LRRTM4: variants seen among roughly 807,000 people sequenced by gnomAD.
The protein encoded by LRRTM4 is leucine-rich repeat transmembrane neuronal protein 4.
LRRTM4 carries 25 observed loss-of-function variants against 47.6 expected under a neutral mutation model. That is an observed-to-expected ratio of 0.53 (90% CI 0.38 to 0.73). The LOEUF (loss-of-function observed/expected upper bound fraction) is 0.73, where lower values mean the gene tolerates loss of function less well. Ranked by LOEUF, LRRTM4 falls within the 30% of genes least tolerant of loss-of-function variation. The pLI is 0.00. For missense variants in LRRTM4, 638 were observed against 713.4 expected, an observed-to-expected ratio of 0.89 and a Z score of 1.20; for synonymous variants, 311 against 269.5, an observed-to-expected ratio of 1.15 and a Z score of -1.51.
intron 3 of LRRTM4, among the ~76,000 whole-genome samples, chr2:76,755,561 T>C (rs998921075): frequency 2.6e-5 from 4 of 152,152 alleles, no homozygotes; most frequent in African/African-American, 9.7e-5. Flanking sequence ...AGCATATCGT[T>C]CGATGCAGCT....
intron 3 of LRRTM4, among the ~76,000 whole-genome samples, chr2:77,001,742 G>A (rs1053509790): frequency 7.9e-5 from 12 of 152,240 alleles, no homozygotes; most frequent in African/African-American, 2.9e-4. Context: ...ATTTTCCACA[G>A]TGCTTCCTGA....
intron 3 of LRRTM4, among the ~76,000 whole-genome samples, chr2:77,203,288 A>G (rs541387438): frequency 6.6e-6 from 1 of 152,172 alleles, no homozygotes; most frequent in African/African-American, 2.4e-5. Context: ...TAAACGGCAA[A>G]AACAAGCGTC....
At chr2:77,220,338 G>A (rs771327349) in intron 3 of LRRTM4, among the ~76,000 whole-genome samples, 8 of 152,086 alleles carry the variant, frequency 5.3e-5, no homozygotes, top group Non-Finnish European at 7.3e-5. Flanking sequence ...CACCAGCAAC[G>A]GAACAAAGCT....
At chr2:76,858,841 C>A (rs1213887360) in intron 3 of LRRTM4, among the ~76,000 whole-genome samples, 1 of 152,106 alleles carries the variant, frequency 6.6e-6, no homozygotes, top group African/African-American at 2.4e-5. Context: ...TAATTTAGAT[C>A]TGAGTCAACA....
intron 3 of LRRTM4, among the ~76,000 whole-genome samples, chr2:77,091,144 T>G (rs1558575205): frequency 1.3e-5 from 2 of 151,870 alleles, no homozygotes; most frequent in African/African-American, 4.8e-5. Flanking sequence ...CTGAGACACT[T>G]TAACTAAATT....
Position 77,451,174 on chromosome 2 carries a change from C to T in LRRTM4, c.1551+67144G>A, listed in dbSNP as rs369331670. On this transcript the variant is annotated intron_variant, in intron 3 of 3. Coordinates refer to ENST00000409884, the MANE Select transcript of LRRTM4 (RefSeq NM_001134745.3). ...TTTTTTCTGAAGTCACATTTGATCA[C>T]CCCCATCCCAATCTCGCTAATAAAT... 5.8e-4 allele frequency among the ~76,000 whole-genome samples: 88 copies of T among 152,166 alleles called. 1 individual carries two copies. The highest frequency in any genetic ancestry group is 4.8e-3 in the East Asian group (25 of 5,180).
intron 3 of LRRTM4, among the ~76,000 whole-genome samples, chr2:77,469,267 G>C (rs924018891): frequency 6.6e-6 from 1 of 152,212 alleles, no homozygotes; most frequent in Non-Finnish European, 1.5e-5. Context: ...TCTGAAAGCA[G>C]GGGCAGTGGG....
chr2:77,437,590 T>A (rs992661572), intron 3 of LRRTM4, among the ~76,000 whole-genome samples: 21 of 152,000 alleles, frequency 1.4e-4, no homozygotes, highest in African/African-American at 4.6e-4. Flanking sequence ...ACTAGATAAG[T>A]GTAAAACATT....
chr2:77,181,635 A>G (rs1219081601), intron 3 of LRRTM4, among the ~76,000 whole-genome samples: 1 of 152,210 alleles, frequency 6.6e-6, no homozygotes, highest in Non-Finnish European at 1.5e-5. Flanking sequence ...GGTAATTTAA[A>G]CACAAGCAAA....
intron 3 of LRRTM4, among the ~76,000 whole-genome samples, chr2:77,099,656 C>T (rs958491518): frequency 6.6e-6 from 1 of 151,638 alleles, no homozygotes; most frequent in Middle Eastern, 3.4e-3. Flanking sequence ...GGATGAGAAA[C>T]AATTTATACT....
At chr2:77,194,054 T>C (rs1332765362) in intron 3 of LRRTM4, among the ~76,000 whole-genome samples, 2 of 152,204 alleles carry the variant, frequency 1.3e-5, no homozygotes, top group Non-Finnish European at 2.9e-5. Flanking sequence ...TAGTCATCTT[T>C]TGCTTTGATG....
At chr2:77,115,563 A>G (rs1480000608) in intron 3 of LRRTM4, among the ~76,000 whole-genome samples, 3 of 151,968 alleles carry the variant, frequency 2.0e-5, no homozygotes, top group African/African-American at 7.3e-5. Context: ...CCTTGCCTCC[A>G]GCCGGTCCCT....
chr2:77,521,780 C>A lies in LRRTM4; in HGVS notation c.-109G>T, dbSNP rs1573526100. ...GACACAGTGCGGCTGTCATTCACAC[C>A]ATTCTGATCCCGCATGTGAGCTAGT... On this transcript the variant is annotated 5_prime_UTR_variant, in exon 2 of 4. The change abolishes an upstream ATG in the 5' untranslated region. Coordinates refer to ENST00000409884, the MANE Select transcript of LRRTM4 (RefSeq NM_001134745.3). 1 of 1,196,846 alleles carries A rather than the reference C, an allele frequency of 8.4e-7. No individual in the cohort carries two copies. Among genetic ancestry groups the A allele is most frequent in the East Asian group, 2.4e-5 (1 of 42,206 alleles). 74.1% of individuals were successfully genotyped at this position (1,196,846 alleles called of 1,614,324 possible).
chr2:77,308,032 C>T (rs1281048030), intron 3 of LRRTM4, among the ~76,000 whole-genome samples: 1 of 136,458 alleles, frequency 7.3e-6, no homozygotes, highest in African/African-American at 2.7e-5. Context: ...TATTATATAT[C>T]TATATATCTA....
chr2:76,898,958 C>T (rs1435564956), intron 3 of LRRTM4, among the ~76,000 whole-genome samples: 3 of 151,826 alleles, frequency 2.0e-5, no homozygotes, highest in Admixed American at 1.3e-4. Context: ...AGAAACAGAA[C>T]CTAGTTTATA....
chr2:77,090,103 T>C (rs985408501), intron 3 of LRRTM4, among the ~76,000 whole-genome samples: 15 of 152,130 alleles, frequency 9.9e-5, no homozygotes, highest in Admixed American at 3.9e-4. Flanking sequence ...CCTCCGCCTC[T>C]GCTCCTCCAC....
chr2:76,923,039 C>A (rs1318556853), intron 3 of LRRTM4, among the ~76,000 whole-genome samples: 3 of 151,982 alleles, frequency 2.0e-5, no homozygotes, highest in Admixed American at 1.3e-4. Context: ...AGCATTATGT[C>A]TTATTGGGAA....
chr2:76,801,539 A>T (rs1040939124), intron 3 of LRRTM4, among the ~76,000 whole-genome samples: 4 of 152,132 alleles, frequency 2.6e-5, no homozygotes, highest in Non-Finnish European at 4.4e-5. Flanking sequence ...GGGAAGGGAT[A>T]GCATTAGGAG....
rs1448209013 is a variant in LRRTM4, at chr2:77,521,715, C to T, written c.-44G>A. ...GTTTCCCCCCTCTCTCAGCTTTCTT[C>T]TTATTTGGTCTCTTGTGCGGAAACC... On this transcript the variant is annotated 5_prime_UTR_variant, in exon 2 of 4. Coordinates refer to ENST00000409884, the MANE Select transcript of LRRTM4 (RefSeq NM_001134745.3). 1 of 1,610,654 alleles carries T rather than the reference C, an allele frequency of 6.2e-7. No individual in the cohort carries two copies. The highest frequency in any genetic ancestry group is 8.5e-7 in the Non-Finnish European group (1 of 1,178,424).
Sources: gnomAD v4.1 joint callset for allele counts (sites outside exome capture counted in the v4.1 genomes callset) on GRCh38, gnomAD v4.1.1 for gene constraint, MANE v1.5 for transcripts, NCBI Gene and HGNC (gene_info 2026-07-23, HGNC 2026-07-21) for gene names.